The following RNASEH2B variants were observed in gnomAD, a reference collection of about 807,000 sequenced individuals.
The protein encoded by RNASEH2B is Aicardi-Goutieres syndrome 2 protein.
A neutral mutation model predicts 45.0 loss-of-function variants in RNASEH2B; 36 were observed. The ratio of observed to expected loss-of-function variants is 0.80; its 90% CI spans 0.61 to 1.06. The LOEUF (loss-of-function observed/expected upper bound fraction) is 1.06, where lower values mean the gene tolerates loss of function less well. RNASEH2B is among the 50% of genes least tolerant of loss of function. The pLI, the probability that RNASEH2B is intolerant of heterozygous loss-of-function variation, is 0.00. For missense variants in RNASEH2B, 361 were observed against 360.3 expected (o/e 1.00, Z -0.02); for synonymous variants, 119 against 125.7 (o/e 0.95, Z 0.35).
intron 9 of RNASEH2B, among the ~76,000 whole-genome samples, chr13:50,965,813 G>A (rs1238490572): frequency 6.6e-6 from 1 of 152,150 alleles, no homozygotes; most frequent in African/African-American, 2.4e-5. Context: ...TGCACTTACT[G>A]GAGTCATTTT....
chr13:50,910,075 G>C lies in RNASEH2B; in HGVS notation c.-2G>C. 6.8e-7 allele frequency: 1 copy of C among 1,463,432 alleles called. No homozygotes were observed. The highest frequency in any genetic ancestry group is 9.0e-7 in the Non-Finnish European group (1 of 1,112,136). The allele number at this position is 1,463,432 out of a possible 1,614,324, so 90.7% of individuals were successfully genotyped here. ...TGCGGCGCCCCGGAAGAGGCGGGCGGCATGGCCGCTGGCGTGGACTGCGGG... is the reference window on the plus strand; with the variant it reads ...TGCGGCGCCCCGGAAGAGGCGGGCGCCATGGCCGCTGGCGTGGACTGCGGG... On this transcript the variant is annotated 5_prime_UTR_variant, in exon 1 of 11. Coordinates refer to ENST00000336617, the MANE Select transcript of RNASEH2B (RefSeq NM_024570.4).
intron 7 of RNASEH2B, among the ~76,000 whole-genome samples, chr13:50,947,045 A>T (rs1241416638): frequency 6.6e-6 from 1 of 152,126 alleles, no homozygotes; most frequent in Non-Finnish European, 1.5e-5. Flanking sequence ...TTTTCTATGT[A>T]ATACTGAGGC....
chr13:50,961,731 A>G (rs1952113463), downstream of RNASEH2B, among the ~76,000 whole-genome samples: 1 of 152,122 alleles, frequency 6.6e-6, no homozygotes, highest in Non-Finnish European at 1.5e-5. Flanking sequence ...GTGTGTGTGT[A>G]CAACATGTAC....
intron 1 of RNASEH2B, chr13:50,921,420 A>G (rs1400354825): frequency 6.6e-6 from 1 of 152,130 alleles, no homozygotes; most frequent in African/African-American, 2.4e-5. Flanking sequence ...TTTCTTCTCT[A>G]ATTAATTTAG....
downstream of RNASEH2B, among the ~76,000 whole-genome samples, chr13:50,956,988 G>C (rs769021539): frequency 2.7e-5 from 4 of 149,912 alleles, no homozygotes; most frequent in South Asian, 2.1e-4. Flanking sequence ...TTAGAAAATA[G>C]AGAAAATAAT....
chr13:50,945,655 T>C (rs1223601491), intron 7 of RNASEH2B, 123 bp downstream of exon 7: 1 of 707,538 alleles, frequency 1.4e-6, no homozygotes, highest in African/African-American at 1.8e-5. Flanking sequence ...CAATGCCTCA[T>C]ACACATTGTG....
intron 1 of RNASEH2B, among the ~76,000 whole-genome samples, chr13:50,920,065 GCT>G (rs1951500617): frequency 6.6e-6 from 1 of 151,338 alleles, no homozygotes; most frequent in Admixed American, 6.6e-5. Context: ...ACAGAGTCTT[GCT>G]CTGTCGCCCA....
chr13:50,920,332 G>C (rs545004061), intron 1 of RNASEH2B, among the ~76,000 whole-genome samples: 2 of 152,190 alleles, frequency 1.3e-5, no homozygotes, highest in African/African-American at 4.8e-5. Context: ...ACAAGTGTGA[G>C]CCACCGTGCC....
chr13:50,956,180 C>T, intron 10 of RNASEH2B, 178 bp from the exon 11 acceptor site: 1 of 573,702 alleles, frequency 1.7e-6, no homozygotes, highest in East Asian at 3.1e-5. Context: ...CATATTCTGT[C>T]TCTTAGGTCT....
At chr13:50,931,256 T>C (rs1951678265) in intron 4 of RNASEH2B, among the ~76,000 whole-genome samples, 1 of 152,154 alleles carries the variant, frequency 6.6e-6, no homozygotes, top group Non-Finnish European at 1.5e-5. Flanking sequence ...GGAATAGAAA[T>C]AAAGACACAG....
chr13:50,926,274 A>T (rs1366197024), intron 1 of RNASEH2B, among the ~76,000 whole-genome samples: 2 of 152,196 alleles, frequency 1.3e-5, no homozygotes, highest in Non-Finnish European at 1.5e-5. Flanking sequence ...GCTTATGAAG[A>T]TCTGAAGTAG....
Position 50,909,838 on chromosome 13 carries a change from C to T in RNASEH2B, c.-239C>T. On this transcript the variant is annotated 5_prime_UTR_variant, in exon 1 of 11. Coordinates refer to ENST00000336617, the MANE Select transcript of RNASEH2B (RefSeq NM_024570.4). Reference sequence around the variant, plus strand: ...GGCCGCGGCCCCTTCCCGTTGCCTGCGGCCACCGGCCGGCATTCAGAGCCC... The same window carrying T: ...GGCCGCGGCCCCTTCCCGTTGCCTGTGGCCACCGGCCGGCATTCAGAGCCC... 1 of 404,010 alleles carries T rather than the reference C, an allele frequency of 2.5e-6. No individual in the cohort carries two copies. The highest frequency in any genetic ancestry group is 4.4e-6 in the Non-Finnish European group (1 of 226,346). 25.0% of individuals were successfully genotyped at this position (404,010 alleles called of 1,614,324 possible).
At chr13:50,963,460 G>A (rs151059521) in intron 9 of RNASEH2B, among the ~76,000 whole-genome samples, 8 of 152,144 alleles carry the variant, frequency 5.3e-5, no homozygotes, top group South Asian at 4.2e-4. Context: ...CACCACGCCC[G>A]GCCTTAAATA....
chr13:50,949,412 T>C lies in RNASEH2B; in HGVS notation c.699-51T>C. On this transcript the variant is annotated intron_variant, in intron 8 of 10. Coordinates refer to ENST00000336617, the MANE Select transcript of RNASEH2B (RefSeq NM_024570.4). The stretch of plus-strand genomic sequence containing the variant: ...CTTAAGTTGGCCCTGTCTTTCTGTT[T>C]GTTTGTCTATGAAAAACGATGACTT... 2.6e-6 allele frequency: 4 copies of C among 1,568,240 alleles called. No individual in the cohort carries two copies. The South Asian group carries it at 4.4e-5, about 17-fold the overall frequency.
At chr13:50,940,171 A>G (rs4942944) in intron 5 of RNASEH2B, among the ~76,000 whole-genome samples, 152,345 of 152,352 alleles carry the variant, frequency 1, 76,169 homozygotes, top group Non-Finnish European at 1. Flanking sequence ...AGTATATACT[A>G]TATCATTTCA....
chr13:50,942,118 G>A (rs1035359202), intron 5 of RNASEH2B: 6 of 152,202 alleles, frequency 3.9e-5, no homozygotes, highest in Non-Finnish European at 5.9e-5. Flanking sequence ...TCAGGCCCAA[G>A]GGTTGCTAGT....
At chr13:50,917,353 G>C (rs1214630007) in intron 1 of RNASEH2B, among the ~76,000 whole-genome samples, 1 of 152,198 alleles carries the variant, frequency 6.6e-6, no homozygotes, top group African/African-American at 2.4e-5. Flanking sequence ...AACATTAGGG[G>C]TTTCTCAGTT....
At chr13:50,957,461 A>G (rs1436259769), downstream of RNASEH2B, among the ~76,000 whole-genome samples, 3 of 152,124 alleles carry the variant, frequency 2.0e-5, no homozygotes, top group Admixed American at 1.3e-4. Context: ...GTAGTATTCC[A>G]TGGTGTATAT....
downstream of RNASEH2B, among the ~76,000 whole-genome samples, chr13:50,960,498 T>C (rs1332351723): frequency 6.6e-6 from 1 of 152,174 alleles, no homozygotes; most frequent in East Asian, 1.9e-4. Context: ...CATCCTTTTA[T>C]ACTTAGTTTC....
Sources: gnomAD v4.1 joint callset for allele counts (sites outside exome capture counted in the v4.1 genomes callset) on GRCh38, gnomAD v4.1.1 for gene constraint, MANE v1.5 for transcripts, NCBI Gene and HGNC (gene_info 2026-07-23, HGNC 2026-07-21) for gene names.